Variants in MAD1L1 observed in about 807,000 individuals in gnomAD.
MAD1L1 encodes the protein mitotic spindle assembly checkpoint protein MAD1.
MAD1L1 carries 95 observed loss-of-function variants against 96.9 expected under a neutral mutation model. The observed-to-expected ratio is 0.98, with a 90% confidence interval of 0.83 to 1.16. The LOEUF (loss-of-function observed/expected upper bound fraction) is 1.16. Ranked by LOEUF, MAD1L1 falls within the 50% of genes most tolerant of loss-of-function variation. The probability of loss-of-function intolerance (pLI) is 0.00; values close to 1 mark genes in which losing one functional copy is unlikely to be tolerated. For synonymous variants in MAD1L1, 473 were observed against 396.6 expected (o/e 1.19, Z -2.29); for missense variants, 1,007 against 954.4 (o/e 1.06, Z -0.73).
intron 10 of MAD1L1, among the ~76,000 whole-genome samples, chr7:2,212,438 T>C (rs1428871779): frequency 6.6e-6 from 1 of 152,178 alleles, no homozygotes; most frequent in Admixed American, 6.6e-5. Flanking sequence ...TCCCCAGTGC[T>C]GAAAGTGGGG....
intron 13 of MAD1L1, among the ~76,000 whole-genome samples, chr7:2,011,726 G>A (rs1358007052): frequency 2.6e-5 from 4 of 152,216 alleles, no homozygotes; most frequent in African/African-American, 9.6e-5. Context: ...ACCCCAGAGG[G>A]CAGTGGCACC....
chr7:2,161,314 G>A (rs1790110130), intron 10 of MAD1L1, among the ~76,000 whole-genome samples: 1 of 151,898 alleles, frequency 6.6e-6, no homozygotes, highest in Non-Finnish European at 1.5e-5. Context: ...CGCTGTGCTG[G>A]CCAGGCTGGT....
intron 11 of MAD1L1, among the ~76,000 whole-genome samples, chr7:2,112,410 A>G (rs1233426533): frequency 6.6e-6 from 1 of 152,224 alleles, no homozygotes; most frequent in Non-Finnish European, 1.5e-5. Flanking sequence ...TGGGAAACAC[A>G]ACGGCACCCA....
chr7:2,143,618 C>T (rs1011837314), intron 11 of MAD1L1, among the ~76,000 whole-genome samples: 8 of 151,948 alleles, frequency 5.3e-5, no homozygotes, highest in African/African-American at 1.2e-4. Context: ...CTCCTCCTGA[C>T]GCTGCCCAGG....
chr7:2,083,315 T>G (rs1328406150), intron 11 of MAD1L1, among the ~76,000 whole-genome samples: 1 of 152,218 alleles, frequency 6.6e-6, no homozygotes, highest in Non-Finnish European at 1.5e-5. Flanking sequence ...GCGGGGGGCT[T>G]GGAGGGCTGA....
At chr7:1,887,650 G>A (rs1022018967) in intron 18 of MAD1L1, among the ~76,000 whole-genome samples, 4 of 139,180 alleles carry the variant, frequency 2.9e-5, no homozygotes, top group African/African-American at 5.1e-5. Context: ...CATGCATGTG[G>A]GTGCCTGTGC....
chr7:1,902,317 G>A (rs951483865), intron 17 of MAD1L1, among the ~76,000 whole-genome samples: 2 of 152,172 alleles, frequency 1.3e-5, no homozygotes, highest in South Asian at 2.1e-4. Flanking sequence ...AGCATTTACA[G>A]CACTTATCTC....
Position 1,957,719 on chromosome 7 carries a change from C to A in MAD1L1, c.1506G>T (p.Arg502Ser), listed in dbSNP as rs1229006689. Residue 502 changes from arginine (R) to serine (S), a missense_variant and splice_region_variant, in exon 16 of 19, where the codon AGG becomes AGT. Physicochemically the swap from Arg to Ser is moderately radical, Grantham distance 110 (BLOSUM62 -1). Transcript: ENST00000265854. The part of the protein sequence containing the change: ...LFSREEADTL[R>S]LKVEELEGER... ...CGCCTTCCAGCTCCTCGACCTTCAA[C>A]CTGCAAGGACAGCAAGACGGTGACC... The A allele has an allele frequency of 1.2e-6, 2 of 1,613,984 alleles. No individual in the cohort carries two copies. Among genetic ancestry groups the A allele is most frequent in the Non-Finnish European group, 1.7e-6 (2 of 1,180,006 alleles).
intron 11 of MAD1L1, among the ~76,000 whole-genome samples, chr7:2,137,962 C>T (rs1356638679): frequency 6.6e-6 from 1 of 152,266 alleles, no homozygotes; most frequent in Admixed American, 6.5e-5. Flanking sequence ...GAGGGCCACA[C>T]GACACCAGCC....
intron 12 of MAD1L1, among the ~76,000 whole-genome samples, chr7:2,050,503 C>T (rs939495657): frequency 1.1e-4 from 17 of 152,234 alleles, no homozygotes; most frequent in Admixed American, 5.2e-4. Context: ...CGTTGAAGCA[C>T]CCACAGAACC....
chr7:2,164,581 A>C (rs1033492883), intron 10 of MAD1L1, among the ~76,000 whole-genome samples: 2 of 100,062 alleles, frequency 2.0e-5, no homozygotes, highest in African/African-American at 4.0e-5. Context: ...CCACACTAAG[A>C]AGCAGGAAAA....
chr7:2,014,737 G>A (rs1248726149), intron 12 of MAD1L1, 95 bp from the exon 13 acceptor site: 44 of 1,395,522 alleles, frequency 3.2e-5, no homozygotes, highest in East Asian at 5.2e-5. Context: ...GCTGGGTCAC[G>A]CGGGGGCTCC....
intron 10 of MAD1L1, among the ~76,000 whole-genome samples, chr7:2,166,461 T>TCAGAACATTCCTGATTAACAAGAGGC: frequency 6.7e-6 from 1 of 150,264 alleles, no homozygotes; most frequent in South Asian, 2.1e-4. Context: ...CAAGAGGCGC[T>TCAGAACATTCCTGATTAACAAGAGGC]GTTTGAACTG....
chr7:1,931,194 G>A (rs1185669138), intron 17 of MAD1L1, among the ~76,000 whole-genome samples: 1 of 113,966 alleles, frequency 8.8e-6, no homozygotes, highest in African/African-American at 3.2e-5. Context: ...CGCGTCGTGG[G>A]GTCCACGTCA....
At chr7:2,112,091 A>C (rs1584349480) in intron 11 of MAD1L1, among the ~76,000 whole-genome samples, 1 of 152,192 alleles carries the variant, frequency 6.6e-6, no homozygotes, top group East Asian at 1.9e-4. Context: ...GCTGCGATTC[A>C]CACAGCCACG....
intron 18 of MAD1L1, among the ~76,000 whole-genome samples, chr7:1,891,701 C>T (rs1786551109): frequency 6.6e-6 from 1 of 152,112 alleles, no homozygotes; most frequent in Non-Finnish European, 1.5e-5. Flanking sequence ...CCGCCTCAGC[C>T]TCTGGAGTAG....
chr7:2,097,263 A>T (rs1398854522), intron 11 of MAD1L1, among the ~76,000 whole-genome samples: 1 of 151,978 alleles, frequency 6.6e-6, no homozygotes, highest in African/African-American at 2.4e-5. Context: ...CACCCCACTC[A>T]GGCCTCAACG....
intron 18 of MAD1L1, 105 bp from the exon 19 acceptor site, chr7:1,816,333 G>T: frequency 3.4e-6 from 4 of 1,175,580 alleles, no homozygotes; most frequent in Non-Finnish European, 3.7e-6. Flanking sequence ...GCTTCCCTCA[G>T]TCTGAGGACC....
chr7:2,095,734 C>G (rs1010952442), intron 11 of MAD1L1, among the ~76,000 whole-genome samples: 1 of 152,188 alleles, frequency 6.6e-6, no homozygotes, highest in Non-Finnish European at 1.5e-5. Context: ...AAGGCTCAGC[C>G]GGCGGGGCCA....
Sources: allele counts gnomAD v4.1 joint callset (sites outside exome capture counted in the v4.1 genomes callset), GRCh38; gene constraint gnomAD v4.1.1; transcripts MANE v1.5; gene names NCBI Gene and HGNC (gene_info 2026-07-23, HGNC 2026-07-21).